PLD1: variants seen among roughly 807,000 people sequenced by gnomAD.
The protein encoded by PLD1 is phospholipase D1.
A neutral mutation model predicts 137.1 loss-of-function variants in PLD1; 112 were observed. The observed-to-expected ratio is 0.82, with a 90% CI of 0.70 to 0.96. The LOEUF (loss-of-function observed/expected upper bound fraction) is 0.96. Among genes scored for constraint, PLD1 ranks in the 40% least tolerant of loss-of-function variants. PLD1 has a pLI of 0.00. For missense variants in PLD1, 1,321 were observed against 1,342.0 expected (o/e 0.98, Z 0.24); for synonymous variants, 431 against 454.7 (o/e 0.95, Z 0.66).
At chr3:171,796,763 C>G (rs1723454751) in intron 1 of PLD1, among the ~76,000 whole-genome samples, 1 of 152,154 alleles carries the variant, frequency 6.6e-6, no homozygotes, top group Non-Finnish European at 1.5e-5. Context: ...TCTTCCCTCT[C>G]TCTCATTTTC....
chr3:171,713,397 T>G (rs11718550), intron 9 of PLD1, among the ~76,000 whole-genome samples: 77,058 of 151,982 alleles, frequency 0.51, 20,488 homozygotes, highest in African/African-American at 0.67. Flanking sequence ...AAAGATAGAG[T>G]TTCAGTGAGT....
intron 23 of PLD1, among the ~76,000 whole-genome samples, chr3:171,639,822 C>CTCTG (rs1735576600): frequency 9.5e-6 from 1 of 104,982 alleles, no homozygotes; most frequent in Non-Finnish European, 1.9e-5. Context: ...TACATAATTT[C>CTCTG]TCTCTCTCTC....
chr3:171,611,108 G>A (rs1484982442), intron 25 of PLD1, among the ~76,000 whole-genome samples: 1 of 152,190 alleles, frequency 6.6e-6, no homozygotes, highest in East Asian at 1.9e-4. Flanking sequence ...TGCCCTTCCC[G>A]AAAGGGCATA....
intron 24 of PLD1, among the ~76,000 whole-genome samples, chr3:171,619,525 C>A (rs1251192739): frequency 1.3e-5 from 2 of 152,204 alleles, no homozygotes; most frequent in African/African-American, 4.8e-5. Flanking sequence ...CATCCATACA[C>A]ATCAACAAAG....
intron 25 of PLD1, among the ~76,000 whole-genome samples, chr3:171,609,510 AC>A (rs1732480155): frequency 1.2e-4 from 2 of 16,068 alleles, no homozygotes; most frequent in South Asian, 1.1e-3. Context: ...TAAAGAAAAC[AC>A]ACACACACAC....
chr3:171,658,499 C>G lies in PLD1; in HGVS notation c.2429+714G>C, dbSNP rs183554848. Among the ~76,000 whole-genome samples, 5 of 152,148 alleles carry G rather than the reference C, an allele frequency of 3.3e-5. No individual in the cohort carries two copies. In the East Asian group the frequency reaches 9.7e-4, roughly 29 times the overall value. ...AAAAGAAATGAAATACTGATACATG[C>G]TATAATAATAGATAAGCTTCAAGAA... On this transcript the variant is annotated intron_variant, in intron 21 of 26. Transcript: ENST00000351298.
intron 1 of PLD1, among the ~76,000 whole-genome samples, chr3:171,764,833 A>T (rs1221522918): frequency 2.6e-4 from 2 of 7,674 alleles, no homozygotes; most frequent in African/African-American, 9.4e-4. Context: ...AAGAGAAAGA[A>T]AGAAAGAAAG....
intron 1 of PLD1, among the ~76,000 whole-genome samples, chr3:171,742,030 G>C (rs997504822): frequency 5.0e-5 from 7 of 140,564 alleles, no homozygotes; most frequent in Non-Finnish European, 8.2e-5. Flanking sequence ...TAGGAGCTGG[G>C]TCCCATTGTT....
intron 1 of PLD1, among the ~76,000 whole-genome samples, chr3:171,808,463 G>C (rs1246479790): frequency 6.6e-6 from 1 of 152,110 alleles, no homozygotes; most frequent in Non-Finnish European, 1.5e-5. Context: ...GTGAACCCGG[G>C]AGGTGGAGCT....
At chr3:171,800,639 G>T (rs1389257710) in intron 1 of PLD1, among the ~76,000 whole-genome samples, 1 of 152,182 alleles carries the variant, frequency 6.6e-6, no homozygotes, top group South Asian at 2.1e-4. Context: ...CTACTCCAAT[G>T]CCAGCCACCT....
chr3:171,776,944 C>T (rs1722611891), intron 1 of PLD1, among the ~76,000 whole-genome samples: 1 of 151,852 alleles, frequency 6.6e-6, no homozygotes, highest in African/African-American at 2.4e-5. Context: ...ACTAGATAAC[C>T]TCTCTTTTTA....
chr3:171,649,359 T>C (rs1039351736), intron 21 of PLD1, among the ~76,000 whole-genome samples: 1 of 152,192 alleles, frequency 6.6e-6, no homozygotes, highest in Non-Finnish European at 1.5e-5. Flanking sequence ...GTGGAAACTA[T>C]TTAGATTTTC....
chr3:171,734,509 A>G (rs1293091138), intron 5 of PLD1, among the ~76,000 whole-genome samples: 1 of 152,188 alleles, frequency 6.6e-6, no homozygotes, highest in Non-Finnish European at 1.5e-5. Flanking sequence ...GGGCTATTAC[A>G]AACACGGAAA....
chr3:171,779,644 G>T (rs1482742719), intron 1 of PLD1, among the ~76,000 whole-genome samples: 1 of 152,090 alleles, frequency 6.6e-6, no homozygotes, highest in Non-Finnish European at 1.5e-5. Context: ...TGAGATTCAG[G>T]CCTGGGGTTT....
chr3:171,671,664 TC>T (rs988406444), intron 19 of PLD1, among the ~76,000 whole-genome samples: 7 of 152,144 alleles, frequency 4.6e-5, no homozygotes, highest in Non-Finnish European at 8.8e-5. Context: ...CAAGAGATTC[TC>T]TGTCAAATAA....
intron 12 of PLD1, among the ~76,000 whole-genome samples, chr3:171,692,987 T>C (rs188875107): frequency 5.3e-5 from 8 of 152,308 alleles, no homozygotes; most frequent in Admixed American, 3.9e-4. Context: ...AAAGAATCAA[T>C]AACTGATTAA....
chr3:171,633,077 G>C (rs1275345226), intron 23 of PLD1, among the ~76,000 whole-genome samples: 1 of 152,132 alleles, frequency 6.6e-6, no homozygotes, highest in Non-Finnish European at 1.5e-5. Flanking sequence ...TAGACATTTT[G>C]GACAAATGCG....
intron 1 of PLD1, among the ~76,000 whole-genome samples, chr3:171,780,719 G>A (rs1309969736): frequency 6.6e-6 from 1 of 152,200 alleles, no homozygotes; most frequent in African/African-American, 2.4e-5. Flanking sequence ...GGAGGTCACT[G>A]ATGTCCTAAA....
At chr3:171,648,453 T>C (rs1352666268) in intron 21 of PLD1, among the ~76,000 whole-genome samples, 1 of 152,232 alleles carries the variant, frequency 6.6e-6, no homozygotes, top group Admixed American at 6.5e-5. Flanking sequence ...ATATGTATTT[T>C]TTCCTTCTAC....
Sources: allele counts gnomAD v4.1 joint callset (sites outside exome capture counted in the v4.1 genomes callset), GRCh38; gene constraint gnomAD v4.1.1; transcripts MANE v1.5; gene names NCBI Gene and HGNC (gene_info 2026-07-23, HGNC 2026-07-21).